Variants in EEPD1 observed in about 807,000 individuals in gnomAD.
EEPD1 encodes the protein endonuclease/exonuclease/phosphatase family domain-containing protein 1.
Under a neutral mutation model 46.3 loss-of-function variants are expected in EEPD1, and 17 were observed. The ratio of observed to expected loss-of-function variants is 0.37; its 90% confidence interval spans 0.25 to 0.55. EEPD1 has a LOEUF of 0.55. Ranked by LOEUF, EEPD1 falls within the 20% of genes least tolerant of loss-of-function variation. The pLI is 0.83. For synonymous variants in EEPD1, 313 were observed against 315.6 expected, an observed-to-expected ratio of 0.99 and a Z score of 0.09; for missense variants, 673 against 745.6, an observed-to-expected ratio of 0.90 and a Z score of 1.13.
At chr7:36,285,644 G>A (rs76892282) in intron 5 of EEPD1, among the ~76,000 whole-genome samples, 315 of 152,344 alleles carry the variant, frequency 2.1e-3, no homozygotes, top group African/African-American at 7.5e-3. Context: ...TGAGCTCACA[G>A]GCCAGGCAAG....
intron 2 of EEPD1, among the ~76,000 whole-genome samples, chr7:36,168,030 C>A (rs1785015070): frequency 6.6e-6 from 1 of 152,216 alleles, no homozygotes; most frequent in Admixed American, 6.5e-5. Context: ...TATGGTTAAG[C>A]ACGCCAGCTA....
chr7:36,291,756 G>A (rs1004861581), intron 6 of EEPD1, among the ~76,000 whole-genome samples: 3 of 152,204 alleles, frequency 2.0e-5, no homozygotes, highest in Non-Finnish European at 2.9e-5. Context: ...GCCAAGTGTC[G>A]TGGATACATT....
Position 36,229,070 on chromosome 7 carries a change from G to A in EEPD1, c.879-9915G>A, listed in dbSNP as rs116168264. Among the ~76,000 whole-genome samples the A allele has an allele frequency of 6.3e-3, 957 of 152,252 alleles. 5 individuals are homozygous for A. Among genetic ancestry groups the A allele is most frequent in the African/African-American group, 0.022 (898 of 41,534 alleles). ...TGCTGAACCCCTCTTCTAAAGGCACGTGCGGAAACCCCTTCCCTGTCACTT... is the reference window on the plus strand; with the variant it reads ...TGCTGAACCCCTCTTCTAAAGGCACATGCGGAAACCCCTTCCCTGTCACTT... On this transcript the variant is annotated intron_variant, in intron 2 of 7. Coordinates refer to ENST00000242108, the MANE Select transcript of EEPD1 (RefSeq NM_030636.3).
At chr7:36,166,555 T>TACAA (rs36105929) in intron 2 of EEPD1, among the ~76,000 whole-genome samples, 15,187 of 151,764 alleles carry the variant, frequency 0.1, 874 homozygotes, top group African/African-American at 0.16. Flanking sequence ...ACCCCTTCTC[T>TACAA]ACAAACAAAC....
intron 4 of EEPD1, 149 bp from the exon 5 acceptor site, chr7:36,284,537 C>A: frequency 1.1e-6 from 1 of 933,120 alleles, no homozygotes; most frequent in Non-Finnish European, 1.5e-6. Context: ...GGGAGAGTGG[C>A]TGTGGCTTTC....
At chr7:36,276,466 C>T (rs1314249649) in intron 3 of EEPD1, among the ~76,000 whole-genome samples, 1 of 152,128 alleles carries the variant, frequency 6.6e-6, no homozygotes, top group Non-Finnish European at 1.5e-5. Context: ...AACAAATGCC[C>T]ATTGCGTACC....
Position 36,165,586 on chromosome 7 carries a change from A to AATTTATTTATTTATTTATTTATTT in EEPD1, c.878+10393_878+10416dup, listed in dbSNP as rs57475263. The stretch of plus-strand genomic sequence containing the variant: ...AGGCACCTGCCACCACGCCCCAGCT[A>AATTTATTTATTTATTTATTTATTT]ATTTATTTATTTATTTATTTATTTA... On this transcript the variant is annotated intron_variant, in intron 2 of 7. Transcript: ENST00000242108. 4.4e-3 allele frequency among the ~76,000 whole-genome samples: 598 copies of AATTTATTTATTTATTTATTTATTT among 134,690 alleles called. 2 individuals carry two copies. The highest frequency in any genetic ancestry group is 0.011 in the Middle Eastern group (3 of 276). 88.4% of individuals were successfully genotyped at this position (134,690 alleles called of 152,430 possible).
chr7:36,204,543 G>A (rs1785778688), intron 2 of EEPD1, among the ~76,000 whole-genome samples: 1 of 152,194 alleles, frequency 6.6e-6, no homozygotes, highest in African/African-American at 2.4e-5. Flanking sequence ...GCCCACCTAA[G>A]TGAGACACTG....
chr7:36,279,551 T>C (rs1787230588), intron 3 of EEPD1, among the ~76,000 whole-genome samples: 1 of 152,164 alleles, frequency 6.6e-6, no homozygotes, highest in Admixed American at 6.5e-5. Flanking sequence ...CCATTGTATG[T>C]GGGCTGCCCA....
At chr7:36,292,988 TA>T (rs11461004) in intron 6 of EEPD1, among the ~76,000 whole-genome samples, 1 of 150,728 alleles carries the variant, frequency 6.6e-6, no homozygotes, top group African/African-American at 2.4e-5. Context: ...CACCTAAAGT[TA>T]AAAAAAAAAT....
At chr7:36,157,349 A>G (rs1005612652) in intron 2 of EEPD1, among the ~76,000 whole-genome samples, 3 of 152,206 alleles carry the variant, frequency 2.0e-5, no homozygotes, top group African/African-American at 7.2e-5. Flanking sequence ...TCTAGGACCT[A>G]TGAATGTGAA....
chr7:36,295,422 C>T lies in EEPD1; in HGVS notation c.1316-1571C>T, dbSNP rs147144284. ...TATACCTCATAAGTATCCATGAGTC[C>T]GTACTGATCTAAGTAAATGGTTGAA... On this transcript the variant is annotated intron_variant, in intron 6 of 7. Coordinates refer to ENST00000242108, the MANE Select transcript of EEPD1 (RefSeq NM_030636.3). 1.6e-3 allele frequency among the ~76,000 whole-genome samples: 249 copies of T among 152,112 alleles called. 3 individuals are homozygous for T. Among genetic ancestry groups the T allele is most frequent in the Admixed American group, 0.014 (219 of 15,286 alleles).
chr7:36,273,142 A>ACACACACACACACACACACACACT (rs1787136977), intron 3 of EEPD1, among the ~76,000 whole-genome samples: 1 of 151,570 alleles, frequency 6.6e-6, no homozygotes, highest in Non-Finnish European at 1.5e-5. Flanking sequence ...ACACACACAC[A>ACACACACACACACACACACACACT]CACACACACA....
At chr7:36,171,127 G>A (rs1354680614) in intron 2 of EEPD1, among the ~76,000 whole-genome samples, 1 of 152,074 alleles carries the variant, frequency 6.6e-6, no homozygotes, top group Admixed American at 6.5e-5. Context: ...CTCATTATGC[G>A]GCCAAGGCCG....
chr7:36,215,991 A>G (rs924786621), intron 2 of EEPD1, among the ~76,000 whole-genome samples: 10 of 152,180 alleles, frequency 6.6e-5, no homozygotes, highest in Non-Finnish European at 1.3e-4. Flanking sequence ...CCAATGGGTA[A>G]ATCTTTTCAA....
At chr7:36,270,226 A>G (rs1341908473) in intron 3 of EEPD1, among the ~76,000 whole-genome samples, 7 of 152,164 alleles carry the variant, frequency 4.6e-5, no homozygotes, top group Non-Finnish European at 1.0e-4. Flanking sequence ...GCACAGTGGT[A>G]TTATACTTAA....
Position 36,154,616 on chromosome 7 carries a change from ATC to A in EEPD1, c.294_295del (p.Ile98MetfsTer40). The stretch of plus-strand genomic sequence containing the variant: ...CAAGCTGGAGCAGGTCAAGTTTGAG[ATC>A]TGTGTGAGCAGCAAGGGCAGCTCAG... ...ATKLEQVKFE[I>X]CVSSKGSSAQ... On this transcript the variant is annotated frameshift_variant, in exon 2 of 8. Transcript: ENST00000242108. LOFTEE classifies it high-confidence loss of function. The surrounding 1 kb of genome is among the most constrained non-coding windows in gnomAD (Gnocchi z 4.2). 6.2e-7 allele frequency: 1 copy of A among 1,613,964 alleles called. No individual in the cohort carries two copies. The highest frequency in any genetic ancestry group is 8.5e-7 in the Non-Finnish European group (1 of 1,179,996).
chr7:36,211,401 G>A (rs1785929704), intron 2 of EEPD1, among the ~76,000 whole-genome samples: 1 of 152,150 alleles, frequency 6.6e-6, no homozygotes, highest in Non-Finnish European at 1.5e-5. Context: ...GCACAAATTA[G>A]TAGGGAGACA....
At chr7:36,215,731 C>T (rs1171377640) in intron 2 of EEPD1, among the ~76,000 whole-genome samples, 1 of 152,160 alleles carries the variant, frequency 6.6e-6, no homozygotes, top group South Asian at 2.1e-4. Context: ...TGGTCCCCTT[C>T]CCCTGATGTT....
Sources: gnomAD v4.1 joint callset for allele counts (sites outside exome capture counted in the v4.1 genomes callset) on GRCh38, gnomAD v4.1.1 for gene constraint, Gnocchi (gnomAD v3.1) non-coding constraint, MANE v1.5 for transcripts, NCBI Gene and HGNC (gene_info 2026-07-23, HGNC 2026-07-21) for gene names.